The following LHFPL3 variants were observed in gnomAD, a reference collection of about 807,000 sequenced individuals.
LHFPL3 encodes the protein LHFPL tetraspan subfamily member 3 protein.
LHFPL3 carries 5 observed loss-of-function variants against 19.3 expected under a neutral mutation model. The observed-to-expected ratio is 0.26, with a 90% confidence interval of 0.14 to 0.54. LHFPL3 has a LOEUF of 0.54. Among genes scored for constraint, LHFPL3 ranks in the 20% least tolerant of loss-of-function variants. LHFPL3 has a pLI of 0.94. For missense variants in LHFPL3, 249 were observed against 307.4 expected (o/e 0.81, Z 1.42); for synonymous variants, 133 against 126.2 (o/e 1.05, Z -0.36).
rs144967282 is a variant in LHFPL3, at chr7:104,517,652, G to A, written c.445+188428G>A. Among the ~76,000 whole-genome samples the A allele has an allele frequency of 4.0e-5, 6 of 151,812 alleles. 1 individual carries two copies. The East Asian group carries it at 7.7e-4, about 20-fold the overall frequency. ...CTCCTGAATAATTGGGCTTACAGGC[G>A]CCCACCACCATGCCAGGCTAATTTT... On this transcript the variant is annotated intron_variant, in intron 1 of 2. Coordinates refer to ENST00000424859, the MANE Select transcript of LHFPL3 (RefSeq NM_199000.3).
intron 1 of LHFPL3, among the ~76,000 whole-genome samples, chr7:104,409,168 G>A (rs868727773): frequency 3.3e-5 from 5 of 152,014 alleles, no homozygotes; most frequent in Middle Eastern, 3.4e-3. Flanking sequence ...GAGCCACGGC[G>A]CCCGGCCTAG....
chr7:104,798,031 G>A (rs1220371955), intron 2 of LHFPL3, among the ~76,000 whole-genome samples: 1 of 152,020 alleles, frequency 6.6e-6, no homozygotes, highest in African/African-American at 2.4e-5. Context: ...GCAGTGGGGG[G>A]GGCGGCACTA....
intron 2 of LHFPL3, among the ~76,000 whole-genome samples, chr7:104,788,982 C>A (rs1481359721): frequency 1.3e-5 from 2 of 152,220 alleles, no homozygotes; most frequent in East Asian, 3.8e-4. Context: ...TATCTTTCCA[C>A]TGATGATGGA....
intron 1 of LHFPL3, among the ~76,000 whole-genome samples, chr7:104,443,685 G>A (rs918880359): frequency 6.6e-6 from 1 of 152,238 alleles, no homozygotes; most frequent in African/African-American, 2.4e-5. Flanking sequence ...TCGAAATGAG[G>A]AGCCTGGAAC....
At chr7:104,608,068 C>T (rs1348757060) in intron 1 of LHFPL3, among the ~76,000 whole-genome samples, 3 of 152,158 alleles carry the variant, frequency 2.0e-5, no homozygotes, top group African/African-American at 7.2e-5. Flanking sequence ...CTAGTTCAAC[C>T]ATTGTGGAAG....
chr7:104,749,971 T>C lies in LHFPL3; in HGVS notation c.682+13060T>C, dbSNP rs200506372. Among the ~76,000 whole-genome samples, 683 of 152,304 alleles carry C rather than the reference T, an allele frequency of 4.5e-3. 24 individuals are homozygous for C. The East Asian group carries it at 0.098, about 22-fold the overall frequency. ...TTTCCCTAGTCCCTTTCCTGGTATATATCCCATCTTGGTCATGATTTTTTG... is the reference window on the plus strand; with the variant it reads ...TTTCCCTAGTCCCTTTCCTGGTATACATCCCATCTTGGTCATGATTTTTTG... On this transcript the variant is annotated intron_variant, in intron 2 of 2. Transcript: ENST00000424859.
intron 2 of LHFPL3, among the ~76,000 whole-genome samples, chr7:104,868,214 G>A (rs1791766462): frequency 6.6e-6 from 1 of 152,112 alleles, no homozygotes; most frequent in South Asian, 2.1e-4. Flanking sequence ...ACATAGTGTT[G>A]GAAGTTCTGG....
intron 1 of LHFPL3, among the ~76,000 whole-genome samples, chr7:104,545,801 T>C (rs1374423787): frequency 5.3e-5 from 8 of 152,186 alleles, no homozygotes; most frequent in African/African-American, 1.4e-4. Flanking sequence ...ATTTGAAAAG[T>C]TGAAGAGCAA....
At chr7:104,537,238 T>A (rs1213901162) in intron 1 of LHFPL3, among the ~76,000 whole-genome samples, 1 of 152,262 alleles carries the variant, frequency 6.6e-6, no homozygotes, top group South Asian at 2.1e-4. Context: ...CTTGGAGATG[T>A]GGGGGAGAGT....
At chr7:104,862,637 A>AG (rs5886337) in intron 2 of LHFPL3, among the ~76,000 whole-genome samples, 152,209 of 152,212 alleles carry the variant, frequency 1, 76,103 homozygotes, top group Middle Eastern at 1. Flanking sequence ...CTGGTCCCGC[A>AG]GTGCCCAAAC....
chr7:104,690,179 G>C (rs1426171973), intron 1 of LHFPL3, among the ~76,000 whole-genome samples: 1 of 152,252 alleles, frequency 6.6e-6, no homozygotes, highest in Non-Finnish European at 1.5e-5. Context: ...ACGACAGTGG[G>C]TTATTGTAAG....
intron 1 of LHFPL3, among the ~76,000 whole-genome samples, chr7:104,556,521 A>G (rs527481042): frequency 1.5e-4 from 23 of 152,302 alleles, no homozygotes; most frequent in African/African-American, 5.5e-4. Flanking sequence ...GGATACGGTC[A>G]AGTCCCTAGA....
chr7:104,830,428 T>A (rs566712370), intron 2 of LHFPL3, among the ~76,000 whole-genome samples: 8 of 151,962 alleles, frequency 5.3e-5, no homozygotes, highest in African/African-American at 1.5e-4. Flanking sequence ...CTGAATGGTA[T>A]TGCCTAGGTT....
chr7:104,682,876 C>T (rs1327451680), intron 1 of LHFPL3, among the ~76,000 whole-genome samples: 1 of 152,334 alleles, frequency 6.6e-6, no homozygotes, highest in African/African-American at 2.4e-5. Flanking sequence ...AAAAGCAATA[C>T]ATGCTTGCTG....
At chr7:104,608,259 A>G (rs1189595398) in intron 1 of LHFPL3, among the ~76,000 whole-genome samples, 6 of 152,132 alleles carry the variant, frequency 3.9e-5, no homozygotes, top group East Asian at 3.9e-4. Flanking sequence ...ATGTCCAACA[A>G]CGATAGACTG....
At chr7:104,796,142 C>T (rs1790121286) in intron 2 of LHFPL3, among the ~76,000 whole-genome samples, 1 of 152,106 alleles carries the variant, frequency 6.6e-6, no homozygotes, top group African/African-American at 2.4e-5. Flanking sequence ...TAGTGCAGCC[C>T]CAAGTTAGGG....
At chr7:104,349,994 G>A (rs1790142789) in intron 1 of LHFPL3, among the ~76,000 whole-genome samples, 2 of 152,002 alleles carry the variant, frequency 1.3e-5, no homozygotes, top group South Asian at 2.1e-4. Context: ...TACTATTCTG[G>A]TGCTCTATGT....
chr7:104,535,074 TG>T (rs1229313310), intron 1 of LHFPL3, among the ~76,000 whole-genome samples: 4 of 152,326 alleles, frequency 2.6e-5, no homozygotes, highest in Admixed American at 2.0e-4. Flanking sequence ...GTCATGTTTT[TG>T]GTCCTCCTAA....
At chr7:104,593,977 A>G (rs1482388881) in intron 1 of LHFPL3, among the ~76,000 whole-genome samples, 1 of 151,898 alleles carries the variant, frequency 6.6e-6, no homozygotes, top group Admixed American at 6.6e-5. Context: ...TAGCACACTC[A>G]TGAGTCTTAT....
Sources: allele counts gnomAD v4.1 joint callset (sites outside exome capture counted in the v4.1 genomes callset), GRCh38; gene constraint gnomAD v4.1.1; transcripts MANE v1.5; gene names NCBI Gene and HGNC (gene_info 2026-07-23, HGNC 2026-07-21).